The following PDS5B variants were observed in gnomAD, a reference collection of about 807,000 sequenced individuals.
The protein encoded by PDS5B is PDS5 cohesin associated factor B, also known as sister chromatid cohesion protein PDS5 homolog B.
A neutral mutation model predicts 184.1 loss-of-function variants in PDS5B; 51 were observed. The ratio of observed to expected loss-of-function variants is 0.28; its 90% CI spans 0.22 to 0.35. PDS5B has a LOEUF of 0.35. Ranked by LOEUF, PDS5B falls within the 10% of genes least tolerant of loss-of-function variation. PDS5B has a pLI of 1.00. For missense variants in PDS5B, 1,180 were observed against 1,723.3 expected (o/e 0.68, Z 5.58); for synonymous variants, 566 against 569.2 (o/e 0.99, Z 0.08).
At chr13:32,757,687 A>G (rs1220504465) in intron 26 of PDS5B, among the ~76,000 whole-genome samples, 1 of 152,218 alleles carries the variant, frequency 6.6e-6, no homozygotes, top group Non-Finnish European at 1.5e-5. Context: ...TCTCTTGAAG[A>G]GTTCCCATCA....
intron 2 of PDS5B, chr13:32,649,953 T>C (rs1433311179): frequency 6.6e-6 from 1 of 152,210 alleles, no homozygotes; most frequent in Non-Finnish European, 1.5e-5. Context: ...TCTTGACCTA[T>C]TGCATTTTTA....
At position 32,705,838 on chromosome 13, in the gene PDS5B, T is replaced by A. The variant is rs952819798; in HGVS notation, c.1857-1096T>A. Among the ~76,000 whole-genome samples the A allele has an allele frequency of 2.6e-4, 40 of 152,242 alleles. 1 individual carries two copies. Among genetic ancestry groups the A allele is most frequent in the Middle Eastern group, 3.4e-3 (1 of 292 alleles). ...ACACTACCATGCCAGGCTAATTTTT[T>A]AAATTTTATGTAGAGACAGGGTCTC... On this transcript the variant is annotated intron_variant, in intron 17 of 34. Coordinates refer to ENST00000315596, the MANE Select transcript of PDS5B (RefSeq NM_015032.4).
intron 21 of PDS5B, among the ~76,000 whole-genome samples, chr13:32,736,527 A>G (rs1295736938): frequency 1.3e-5 from 2 of 151,742 alleles, no homozygotes; most frequent in Non-Finnish European, 2.9e-5. Context: ...TTTGCTGTGA[A>G]TGTTTTTGTC....
chr13:32,773,101 C>A, intron 33 of PDS5B, 88 bp from the exon 34 acceptor site: 2 of 1,115,418 alleles, frequency 1.8e-6, no homozygotes, highest in Non-Finnish European at 2.5e-6. Context: ...GATGATATGA[C>A]GATGAAATAC....
chr13:32,704,452 A>T (rs1253879291), intron 17 of PDS5B, among the ~76,000 whole-genome samples: 5 of 152,242 alleles, frequency 3.3e-5, no homozygotes, highest in Non-Finnish European at 7.3e-5. Context: ...TACAGGCATG[A>T]GCCACTGTGC....
At chr13:32,652,577 TAAAAAAAAAAAAA>T in intron 3 of PDS5B, 2 of 119,920 alleles carry the variant, frequency 1.7e-5, no homozygotes, top group South Asian at 6.5e-4. Context: ...GTCTCTACTT[TAAAAAAAAAAAAA>T]AAAAAAAAAA....
intron 13 of PDS5B, among the ~76,000 whole-genome samples, chr13:32,693,103 A>G (rs1358480459): frequency 1.3e-5 from 2 of 151,996 alleles, no homozygotes; most frequent in Non-Finnish European, 2.9e-5. Flanking sequence ...ACAAATGACT[A>G]CCCCGTTTCT....
intron 6 of PDS5B, among the ~76,000 whole-genome samples, chr13:32,665,453 G>A (rs1419568112): frequency 4.0e-5 from 6 of 151,550 alleles, no homozygotes; most frequent in African/African-American, 1.2e-4. Flanking sequence ...GCTGGGCGTG[G>A]TGGCGGGCGC....
Position 32,735,249 on chromosome 13 carries a change from C to G in PDS5B, c.2325C>G (p.Leu775=). 1 of 1,612,190 alleles carries G rather than the reference C, an allele frequency of 6.2e-7. No individual in the cohort carries two copies. Among genetic ancestry groups the G allele is most frequent in the Non-Finnish European group, 8.5e-7 (1 of 1,178,430 alleles). The change falls in exon 21 of 35, where the codon CTC becomes CTG. Residue 775 remains leucine, a synonymous_variant. Transcript: ENST00000315596. ...TGGTTACTATTGGTCATATTGCTCT[C>G]CTTGCACCTGATCAATTTGCTGCTC... ...TPLVTIGHIA[L]LAPDQFAAPL... is the part of the protein sequence containing the mutation.
chr13:32,684,138 G>T lies in PDS5B; in HGVS notation c.1203+115G>T. The T allele has an allele frequency of 6.9e-6, 3 of 431,932 alleles. No individual in the cohort carries two copies. The South Asian group carries it at 2.2e-4, about 32-fold the overall frequency. The allele number at this position is 431,932 out of a possible 1,614,324, so 26.8% of individuals were successfully genotyped here. A position where few individuals can be genotyped will look rare whatever the true frequency, so the allele number is the denominator to read the frequency against. On this transcript the variant is annotated intron_variant, in intron 11 of 34. Transcript: ENST00000315596. ...TAAATATAATTAGCCTTTTTTAGGGGTATGGAGGCATTTTAATATTTAAAA... is the reference window on the plus strand; with the variant it reads ...TAAATATAATTAGCCTTTTTTAGGGTTATGGAGGCATTTTAATATTTAAAA...
At chr13:32,696,388 C>A (rs1951704041) in intron 14 of PDS5B, among the ~76,000 whole-genome samples, 1 of 152,022 alleles carries the variant, frequency 6.6e-6, no homozygotes, top group Admixed American at 6.6e-5. Context: ...AATAACACTT[C>A]CCTGATGCAA....
At chr13:32,648,940 A>C in intron 2 of PDS5B, 60 bp downstream of exon 2, 1 of 807,960 alleles carries the variant, frequency 1.2e-6, no homozygotes, top group Non-Finnish European at 2.2e-6. Flanking sequence ...TGTGGAAATC[A>C]CATGGGGCTA....
At chr13:32,772,592 G>A (rs374214410) in intron 33 of PDS5B, among the ~76,000 whole-genome samples, 10 of 152,304 alleles carry the variant, frequency 6.6e-5, no homozygotes, top group African/African-American at 2.2e-4. Context: ...GGGAGTTGGG[G>A]AGCAGAAAGA....
intron 17 of PDS5B, among the ~76,000 whole-genome samples, chr13:32,703,256 T>A (rs529770932): frequency 1.1e-4 from 17 of 152,070 alleles, no homozygotes; most frequent in Middle Eastern, 3.4e-3. Flanking sequence ...ACTTTGGAAA[T>A]TTTTTTTACA....
At chr13:32,662,151 G>C (rs942313972) in intron 6 of PDS5B, among the ~76,000 whole-genome samples, 2 of 152,038 alleles carry the variant, frequency 1.3e-5, no homozygotes, top group African/African-American at 4.8e-5. Context: ...TACTTGCCAG[G>C]CAAATATAAA....
intron 23 of PDS5B, among the ~76,000 whole-genome samples, chr13:32,743,560 T>C (rs901280463): frequency 6.6e-6 from 1 of 152,124 alleles, no homozygotes; most frequent in African/African-American, 2.4e-5. Context: ...AGCTCTGTGC[T>C]CCTTAATATA....
At chr13:32,667,273 C>T (rs772893274) in intron 6 of PDS5B, among the ~76,000 whole-genome samples, 12 of 152,038 alleles carry the variant, frequency 7.9e-5, no homozygotes, top group Admixed American at 7.9e-4. Context: ...CTGTTGTATC[C>T]TTTGACTTAC....
intron 1 of PDS5B, among the ~76,000 whole-genome samples, chr13:32,626,380 G>A (rs2058371233): frequency 6.6e-6 from 1 of 152,106 alleles, no homozygotes; most frequent in South Asian, 2.1e-4. Flanking sequence ...TTGAAAAGAG[G>A]GCTCATCTGC....
intron 6 of PDS5B, among the ~76,000 whole-genome samples, chr13:32,666,336 C>G (rs1025382064): frequency 1.2e-4 from 18 of 152,280 alleles, no homozygotes; most frequent in African/African-American, 4.3e-4. Flanking sequence ...GCCTCTGCCT[C>G]CCAAATTGCT....
Sources: gnomAD v4.1 joint callset for allele counts (sites outside exome capture counted in the v4.1 genomes callset) on GRCh38, gnomAD v4.1.1 for gene constraint, MANE v1.5 for transcripts, NCBI Gene and HGNC (gene_info 2026-07-23, HGNC 2026-07-21) for gene names.